Variants in PIK3C2G observed in about 807,000 individuals in gnomAD.
PIK3C2G encodes the protein phosphatidylinositol-4-phosphate 3-kinase catalytic subunit type 2 gamma, also known as phosphatidylinositol 3-kinase C2 domain-containing subunit gamma.
In PIK3C2G, 168 loss-of-function variants were observed where a neutral mutation model predicts 181.1. The observed-to-expected ratio is 0.93, with a 90% CI of 0.82 to 1.05. The LOEUF is 1.05. Among genes scored for constraint, PIK3C2G ranks in the 50% least tolerant of loss-of-function variants. The pLI is 0.00. For synonymous variants in PIK3C2G, 573 were observed against 592.2 expected (o/e 0.97, Z 0.47); for missense variants, 1,869 against 1,732.8 (o/e 1.08, Z -1.40).
At chr12:18,457,601 C>T (rs1947699779) in intron 18 of PIK3C2G, among the ~76,000 whole-genome samples, 1 of 152,082 alleles carries the variant, frequency 6.6e-6, no homozygotes, top group Non-Finnish European at 1.5e-5. Context: ...ACACACTCCC[C>T]ACTCTCTCTG....
chr12:18,503,210 G>A, intron 22 of PIK3C2G, 71 bp from the exon 23 acceptor site: 3 of 1,175,100 alleles, frequency 2.6e-6, no homozygotes, highest in Non-Finnish European at 3.6e-6. Flanking sequence ...AGCTATTGTT[G>A]TTATATTTCC....
chr12:18,344,279 A>G (rs938149614), intron 10 of PIK3C2G, among the ~76,000 whole-genome samples: 1 of 152,114 alleles, frequency 6.6e-6, no homozygotes, highest in African/African-American at 2.4e-5. Flanking sequence ...TGTTTCAGTA[A>G]AGAGTCACGT....
intron 15 of PIK3C2G, among the ~76,000 whole-genome samples, chr12:18,398,580 G>A (rs1944033988): frequency 6.6e-6 from 1 of 152,224 alleles, no homozygotes; most frequent in Non-Finnish European, 1.5e-5. Flanking sequence ...CCATTGTCGT[G>A]TGAGGGAAGC....
chr12:18,647,727 AAGTT>A (rs1460320780), intron 32 of PIK3C2G, 145 bp from the exon 33 acceptor site: 4 of 390,510 alleles, frequency 1.0e-5, no homozygotes, highest in Non-Finnish European at 1.8e-5. Flanking sequence ...TTCAGAATAA[AAGTT>A]AGAAATAAAA....
the PIK3C2G span, among the ~76,000 whole-genome samples, chr12:18,695,338 T>C: frequency 1.1e-4 from 16 of 152,150 alleles, no homozygotes; most frequent in African/African-American, 3.9e-4. Flanking sequence ...TGGTATCCAG[T>C]ACAGATTACA....
chr12:18,694,910 C>G, the PIK3C2G span: 1 of 1,581,592 alleles, frequency 6.3e-7, no homozygotes, highest in Non-Finnish European at 8.7e-7. Flanking sequence ...TTAATCTTAC[C>G]CTTATTGTAA....
intron 26 of PIK3C2G, among the ~76,000 whole-genome samples, chr12:18,555,420 T>C (rs957727707): frequency 3.3e-5 from 5 of 152,178 alleles, no homozygotes; most frequent in Admixed American, 1.3e-4. Context: ...ATCAGAGCTC[T>C]GGATTCAACT....
chr12:18,386,394 T>A (rs1037652077), intron 14 of PIK3C2G, among the ~76,000 whole-genome samples: 20 of 152,206 alleles, frequency 1.3e-4, no homozygotes, highest in African/African-American at 4.8e-4. Flanking sequence ...CAATTTCAGA[T>A]CATTTCCATC....
chr12:18,455,275 C>G (rs1947563559), intron 18 of PIK3C2G, among the ~76,000 whole-genome samples: 1 of 151,866 alleles, frequency 6.6e-6, no homozygotes, highest in South Asian at 2.1e-4. Context: ...AAGACATGAA[C>G]ACCAGTAGGT....
intron 31 of PIK3C2G, among the ~76,000 whole-genome samples, chr12:18,620,392 T>C (rs935156500): frequency 3.9e-5 from 6 of 152,172 alleles, no homozygotes; most frequent in African/African-American, 1.4e-4. Flanking sequence ...GGTGGTTATA[T>C]AGATAATTCA....
intron 24 of PIK3C2G, among the ~76,000 whole-genome samples, chr12:18,520,384 A>G (rs1942835189): frequency 2.0e-5 from 3 of 151,818 alleles, no homozygotes; most frequent in Admixed American, 1.3e-4. Flanking sequence ...CTTTTTACAT[A>G]GTCCCATATT....
chr12:18,256,138 C>G (rs10841000), intron 1 of PIK3C2G, among the ~76,000 whole-genome samples: 1 of 151,848 alleles, frequency 6.6e-6, no homozygotes, highest in Non-Finnish European at 1.5e-5. Flanking sequence ...TAAGAAAGAA[C>G]TAGAAAATAT....
chr12:18,675,247 A>T, the PIK3C2G span, among the ~76,000 whole-genome samples: 2 of 152,184 alleles, frequency 1.3e-5, no homozygotes, highest in African/African-American at 4.8e-5. Flanking sequence ...TAAAACCAGC[A>T]AATCAGCTTA....
At chr12:18,304,504 G>A (rs528177009) in intron 5 of PIK3C2G, among the ~76,000 whole-genome samples, 6 of 152,190 alleles carry the variant, frequency 3.9e-5, no homozygotes, top group South Asian at 4.2e-4. Context: ...TGATCAACCC[G>A]CCCCGGCCTC....
rs188225567 is a variant in PIK3C2G, at chr12:18,534,841, A to G, written c.3324-3315A>G. Among the ~76,000 whole-genome samples, 35 of 151,988 alleles carry G rather than the reference A, an allele frequency of 2.3e-4. 1 individual carries two copies. In the East Asian group the frequency reaches 3.1e-3, roughly 13 times the overall value. Reference sequence around the variant, plus strand: ...AAAAAAAAAAAAAAGTAGTTACAATATGAATAAAAGGTACAGAAGCAAGAA... The same window carrying G: ...AAAAAAAAAAAAAAGTAGTTACAATGTGAATAAAAGGTACAGAAGCAAGAA... On this transcript the variant is annotated intron_variant, in intron 24 of 32. Transcript: ENST00000538779.
At chr12:18,372,159 T>A (rs1239588977) in intron 13 of PIK3C2G, among the ~76,000 whole-genome samples, 2 of 152,008 alleles carry the variant, frequency 1.3e-5, no homozygotes, top group East Asian at 1.9e-4. Context: ...ATTTCAAATC[T>A]TCTTTGTTGG....
At chr12:18,695,071 T>C in the PIK3C2G span, 29 of 1,612,590 alleles carry the variant, frequency 1.8e-5, no homozygotes, top group East Asian at 6.5e-4. Flanking sequence ...GTCTGGAAAT[T>C]TAAAGCCACT....
intron 26 of PIK3C2G, among the ~76,000 whole-genome samples, chr12:18,558,734 T>G (rs968857713): frequency 3.9e-5 from 6 of 152,226 alleles, no homozygotes; most frequent in Non-Finnish European, 8.8e-5. Flanking sequence ...TCAGCTCATC[T>G]TTCAGTGAGA....
intron 5 of PIK3C2G, among the ~76,000 whole-genome samples, chr12:18,303,317 TTC>T (rs1247925341): frequency 2.0e-5 from 3 of 148,788 alleles, no homozygotes; most frequent in Non-Finnish European, 3.0e-5. Context: ...TTTCTTTCCT[TTC>T]TCTCTTTCTC....
Sources: allele counts gnomAD v4.1 joint callset (sites outside exome capture counted in the v4.1 genomes callset), GRCh38; gene constraint gnomAD v4.1.1; transcripts MANE v1.5; gene names NCBI Gene and HGNC (gene_info 2026-07-23, HGNC 2026-07-21).